Variants in SPDYE21 observed in about 807,000 individuals in gnomAD.
SPDYE21 encodes the protein speedy/RINGO cell cycle regulator family member E21.
Under a neutral mutation model 36.2 loss-of-function variants are expected in SPDYE21, and 14 were observed. That is an observed-to-expected ratio of 0.39 (90% CI 0.26 to 0.61). SPDYE21 has a LOEUF of 0.61. Ranked by LOEUF, SPDYE21 falls within the 20% of genes least tolerant of loss-of-function variation. The probability of loss-of-function intolerance (pLI) is 0.55; values close to 1 mark genes in which losing one functional copy is unlikely to be tolerated. For missense variants in SPDYE21, 233 were observed against 424.6 expected, an observed-to-expected ratio of 0.55 and a Z score of 3.97; for synonymous variants, 58 against 155.1, an observed-to-expected ratio of 0.37 and a Z score of 4.65.
At chr7:67,287,249 C>G (rs1334323820) in intron 8 of SPDYE21, among the ~76,000 whole-genome samples, 1 of 152,186 alleles carries the variant, frequency 6.6e-6, no homozygotes, top group Non-Finnish European at 1.5e-5. Flanking sequence ...TGCCCTACTC[C>G]CTGGGCAGAC....
rs1802761966 is a variant in SPDYE21 at position 67,287,557 on chromosome 7, C to G, written c.*85C>G. Among the ~76,000 whole-genome samples the G allele has an allele frequency of 1.3e-5, 2 of 151,932 alleles. No individual in the cohort carries two copies. Among genetic ancestry groups the G allele is most frequent in the Non-Finnish European group, 2.9e-5 (2 of 67,972 alleles). On this transcript the variant is annotated 3_prime_UTR_variant, in exon 9 of 9. Transcript: ENST00000424157. ...GGGAGATGTGGATTTTCAGCAGGAA[C>G]TTTATTCCAATGCTAATGGCAGACA...
chr7:67,284,861 G>A (rs1802703432), intron 6 of SPDYE21, among the ~76,000 whole-genome samples: 3 of 151,504 alleles, frequency 2.0e-5, no homozygotes, highest in South Asian at 4.2e-4. Context: ...CGAGGCCAGG[G>A]TCCACAGTGT....
intron 3 of SPDYE21, among the ~76,000 whole-genome samples, chr7:67,280,384 T>A (rs1411095104): frequency 6.6e-6 from 1 of 151,964 alleles, no homozygotes; most frequent in Non-Finnish European, 1.5e-5. Context: ...CCAGCCTGGG[T>A]GACAGAGCAA....
rs891348386 is a variant in SPDYE21, at chr7:67,287,862, C to G, written c.*390C>G. 2.4e-4 allele frequency among the ~76,000 whole-genome samples: 37 copies of G among 152,114 alleles called. No individual in the cohort carries two copies. The highest frequency in any genetic ancestry group is 8.7e-4 in the African/African-American group (36 of 41,476). ...TCTTACGGACTTGGTTGCCACAGTCCAGGAGCATTTGAAGGCACAATGCAG... is the reference window on the plus strand; with the variant it reads ...TCTTACGGACTTGGTTGCCACAGTCGAGGAGCATTTGAAGGCACAATGCAG... On this transcript the variant is annotated 3_prime_UTR_variant, in exon 9 of 9. Transcript: ENST00000424157.
In SPDYE21 at chr7:67,279,872, A is replaced by G. The variant is rs1802601820; in HGVS notation, c.215A>G (p.Lys72Arg). The change falls in exon 3 of 9, where the codon AAG becomes AGG. Residue 72 changes from lysine (K) to arginine (R), a missense_variant. By Grantham distance (26) the Lys-to-Arg change is conservative. Transcript: ENST00000424157. ...AGGTCCCTTGGCTGGAAAAGGAAGAAGGAGTGGTCAGATGAATCTGAGGAG... is the reference window on the plus strand; with the variant it reads ...AGGTCCCTTGGCTGGAAAAGGAAGAGGGAGTGGTCAGATGAATCTGAGGAG... ...PCRSLGWKRK[K>R]EWSDESEEEP... is the part of the protein sequence containing the mutation. 6 of 1,589,996 alleles carry G rather than the reference A, an allele frequency of 3.8e-6. No homozygotes were observed. Among genetic ancestry groups the G allele is most frequent in the African/African-American group, 2.7e-5 (2 of 73,832 alleles).
At position 67,287,771 on chromosome 7, in the gene SPDYE21, G is replaced by A. The variant is rs979704069; in HGVS notation, c.*299G>A. 9.0e-4 allele frequency among the ~76,000 whole-genome samples: 137 copies of A among 151,866 alleles called. No homozygotes were observed. Among genetic ancestry groups the A allele is most frequent in the Non-Finnish European group, 1.8e-3 (119 of 67,954 alleles). On this transcript the variant is annotated 3_prime_UTR_variant, in exon 9 of 9. Coordinates refer to ENST00000424157, the MANE Select transcript of SPDYE21 (RefSeq NM_001382715.2). ...TGTTTCCAGTTCCACCCTTTCCTGCGGCACCACCACCCTTTTTATATTGCT... is the reference window on the plus strand; with the variant it reads ...TGTTTCCAGTTCCACCCTTTCCTGCAGCACCACCACCCTTTTTATATTGCT...
At chr7:67,279,674 C>A (rs1215114567) in intron 2 of SPDYE21, 144 bp from the exon 3 acceptor site, 16 of 1,578,846 alleles carry the variant, frequency 1.0e-5, no homozygotes, top group Non-Finnish European at 1.2e-5. Flanking sequence ...TGGGGTTGAG[C>A]AGAGGAGAAA....
rs1005257401 is a variant in SPDYE21 at position 67,278,869 on chromosome 7, A to T, written c.156A>T (p.Pro52=). ...TGGTGGATGATGAAGTGTTGGGACC[A>T]TCAGGTGAGGGGACTGGTGGAAGAA... The part of the protein sequence containing the change: ...QEVVDDEVLG[P]SAPGVDPSPP... Residue 52 remains proline (P), a synonymous_variant, in exon 2 of 9, where the codon CCA becomes CCT. Coordinates refer to ENST00000424157, the MANE Select transcript of SPDYE21 (RefSeq NM_001382715.2). 1.3e-5 allele frequency among the ~76,000 whole-genome samples: 2 copies of T among 151,032 alleles called. No individual in the cohort carries two copies. The highest frequency in any genetic ancestry group is 3.0e-5 in the Non-Finnish European group (2 of 67,490).
chr7:67,282,813 T>TTCTAA (rs1802663790), intron 5 of SPDYE21, 120 bp downstream of exon 5: 1 of 1,320,604 alleles, frequency 7.6e-7, no homozygotes, highest in Non-Finnish European at 1.0e-6. Context: ...CAGTCTTTTT[T>TTCTAA]TTTTTTTTTG....
At chr7:67,280,499 C>T (rs918538530) in intron 3 of SPDYE21, among the ~76,000 whole-genome samples, 3 of 151,198 alleles carry the variant, frequency 2.0e-5, no homozygotes, top group East Asian at 3.9e-4. Context: ...GTCAGTTGTT[C>T]GAGACCAACC....
intron 5 of SPDYE21, 130 bp downstream of exon 5, chr7:67,282,823 G>A (rs1021464066): frequency 8.7e-7 from 1 of 1,152,828 alleles, no homozygotes; most frequent in Non-Finnish European, 1.2e-6. Flanking sequence ...TTTTTTTTTT[G>A]TGAGACAGAG....
chr7:67,286,954 C>A (rs1246495642), intron 8 of SPDYE21, among the ~76,000 whole-genome samples: 1 of 152,136 alleles, frequency 6.6e-6, no homozygotes, highest in Non-Finnish European at 1.5e-5. Context: ...CAAAAATAAT[C>A]ATAAATACTG....
chr7:67,277,906 C>T (rs911287203), intron 1 of SPDYE21, among the ~76,000 whole-genome samples: 2 of 138,552 alleles, frequency 1.4e-5, no homozygotes, highest in Non-Finnish European at 3.1e-5. Context: ...AAATTGGGGA[C>T]ACCATTGGAA....
intron 3 of SPDYE21, among the ~76,000 whole-genome samples, chr7:67,280,416 C>T (rs758553835): frequency 6.6e-6 from 1 of 151,980 alleles, no homozygotes; most frequent in African/African-American, 2.4e-5. Context: ...AAAAGAAAAA[C>T]GAAGGCTGGG....
intron 4 of SPDYE21, among the ~76,000 whole-genome samples, chr7:67,282,404 A>T (rs200706545): frequency 0.089 from 13,360 of 149,936 alleles, 787 homozygotes; most frequent in East Asian, 0.35. Flanking sequence ...TCCCAGCTCT[A>T]CATCCTGTAG....
intron 1 of SPDYE21, among the ~76,000 whole-genome samples, chr7:67,277,599 G>GT (rs1802562297): frequency 6.6e-6 from 1 of 151,650 alleles, no homozygotes; most frequent in South Asian, 2.1e-4. Flanking sequence ...GTTTGGTTTT[G>GT]TTTTTTTAGA....
chr7:67,281,824 G>A (rs1416853949), intron 4 of SPDYE21, among the ~76,000 whole-genome samples: 21 of 150,820 alleles, frequency 1.4e-4, no homozygotes, highest in East Asian at 5.8e-4. Context: ...GCTTGGTTTC[G>A]GGCCAGGCGC....
In SPDYE21 at chr7:67,288,567, G is replaced by A. The variant is rs1158441421; in HGVS notation, c.*1095G>A. On this transcript the variant is annotated 3_prime_UTR_variant, in exon 9 of 9. Transcript: ENST00000424157. ...ATACTGGTATTTTTGAATAGATGCT[G>A]TTTCTATAAAGCTGTGTGATGGGTA... Among the ~76,000 whole-genome samples, 2 of 143,882 alleles carry A rather than the reference G, an allele frequency of 1.4e-5. No homozygotes were observed. Among genetic ancestry groups the A allele is most frequent in the African/African-American group, 5.6e-5 (2 of 35,834 alleles). 94.4% of individuals were successfully genotyped at this position (143,882 alleles called of 152,430 possible).
Position 67,279,915 on chromosome 7 carries a change from C to A in SPDYE21, c.258C>A (p.Leu86=). 4 of 1,590,346 alleles carry A rather than the reference C, an allele frequency of 2.5e-6. No homozygotes were observed. Among genetic ancestry groups the A allele is most frequent in the South Asian group, 1.1e-5 (1 of 90,180 alleles). ...DESEEEPEKE[L]APEPEETWVV... The stretch of plus-strand genomic sequence containing the variant: ...CTGAGGAGGAGCCGGAGAAGGAGCT[C>A]GCCCCTGAGCCTGAGGAGACCTGGG... Residue 86 remains leucine (L), a synonymous_variant, in exon 3 of 9, where the codon CTC becomes CTA. Transcript: ENST00000424157.
Sources: allele counts gnomAD v4.1 joint callset (sites outside exome capture counted in the v4.1 genomes callset), GRCh38; gene constraint gnomAD v4.1.1; transcripts MANE v1.5; gene names NCBI Gene and HGNC (gene_info 2026-07-23, HGNC 2026-07-21).